The following PPP1R12B variants were observed in gnomAD, a reference collection of about 807,000 sequenced individuals.
The protein encoded by PPP1R12B is myosin phosphatase target subunit 2.
In PPP1R12B, 76 loss-of-function variants were observed where a neutral mutation model predicts 126.1. The observed-to-expected ratio is 0.60, with a 90% CI of 0.50 to 0.73. The LOEUF is 0.73. Among genes scored for constraint, PPP1R12B ranks in the 30% least tolerant of loss-of-function variants. The pLI is 0.00. For synonymous variants in PPP1R12B, 356 were observed against 434.7 expected, an observed-to-expected ratio of 0.82 and a Z score of 2.25; for missense variants, 1,052 against 1,205.1, an observed-to-expected ratio of 0.87 and a Z score of 1.88.
chr1:202,410,817 AT>A (rs1667285324), intron 1 of PPP1R12B, among the ~76,000 whole-genome samples: 4 of 152,256 alleles, frequency 2.6e-5, no homozygotes, highest in Admixed American at 6.5e-5. Context: ...TTATATCTCT[AT>A]TTCTTAAGGA....
chr1:202,431,052 T>G (rs1670132259), intron 7 of PPP1R12B, among the ~76,000 whole-genome samples: 1 of 152,218 alleles, frequency 6.6e-6, no homozygotes, highest in African/African-American at 2.4e-5. Flanking sequence ...GTGCAGCATT[T>G]TAAAATCCTG....
intron 18 of PPP1R12B, among the ~76,000 whole-genome samples, chr1:202,554,679 C>T (rs1229298971): frequency 6.6e-6 from 1 of 151,950 alleles, no homozygotes; most frequent in Non-Finnish European, 1.5e-5. Context: ...AAATTGTCTA[C>T]CGCCTTGTCT....
rs907513716 is a variant in PPP1R12B at position 202,348,977 on chromosome 1, G to A, written c.126G>A (p.Gly42=). 6.2e-7 allele frequency: 1 copy of A among 1,602,964 alleles called. No individual in the cohort carries two copies. The highest frequency in any genetic ancestry group is 8.5e-7 in the Non-Finnish European group (1 of 1,175,774). The change falls in exon 1 of 24, where the codon GGG becomes GGA. Residue 42 remains glycine (G), a synonymous_variant. Coordinates refer to ENST00000608999, the MANE Select transcript of PPP1R12B (RefSeq NM_002481.4). The part of the protein sequence containing the change: ...EQEPAERRGA[G]RQPLTRRGSP... ...AGCCTGCGGAGCGACGAGGCGCGGG[G>A]CGGCAGCCGCTGACCAGGCGCGGGA...
In PPP1R12B at chr1:202,582,352, T is replaced by C. The variant is rs1443771951; in HGVS notation, c.*1792T>C. 3 of 152,662 alleles carry C rather than the reference T, an allele frequency of 2.0e-5. No homozygotes were observed. Among genetic ancestry groups the C allele is most frequent in the Non-Finnish European group, 2.9e-5 (2 of 68,038 alleles). The allele number at this position is 152,662 out of a possible 1,614,324, so 9.5% of individuals were successfully genotyped here. On this transcript the variant is annotated 3_prime_UTR_variant, in exon 24 of 24. Transcript: ENST00000608999. The stretch of plus-strand genomic sequence containing the variant: ...AAACCATTAGTTCTTGATGATAACC[T>C]AGCATTAATACTTACAGTATTTTCT...
intron 3 of PPP1R12B, among the ~76,000 whole-genome samples, chr1:202,424,557 A>G (rs1669253099): frequency 6.6e-6 from 1 of 152,096 alleles, no homozygotes; most frequent in Non-Finnish European, 1.5e-5. Flanking sequence ...CTCTGATCTC[A>G]GGTGATCCAC....
intron 3 of PPP1R12B, among the ~76,000 whole-genome samples, chr1:202,423,953 G>A (rs541045563): frequency 5.9e-5 from 9 of 152,238 alleles, no homozygotes; most frequent in East Asian, 1.9e-4. Context: ...CCAAAGTGCC[G>A]GGATTAAAGG....
intron 13 of PPP1R12B, among the ~76,000 whole-genome samples, chr1:202,455,336 T>C (rs1410436425): frequency 6.6e-6 from 1 of 152,164 alleles, no homozygotes; most frequent in Admixed American, 6.5e-5. Context: ...TTCATCATCT[T>C]AGAGAGAAAT....
chr1:202,357,351 A>T (rs529170569), intron 1 of PPP1R12B, among the ~76,000 whole-genome samples: 1 of 152,214 alleles, frequency 6.6e-6, no homozygotes, highest in Non-Finnish European at 1.5e-5. Context: ...GGATTTGGTC[A>T]TTTAAACTTT....
At chr1:202,442,897 C>T (rs1035779295) in intron 12 of PPP1R12B, among the ~76,000 whole-genome samples, 4 of 149,742 alleles carry the variant, frequency 2.7e-5, no homozygotes, top group African/African-American at 9.9e-5. Context: ...GTAGCTGGTT[C>T]TCCTTATCTG....
chr1:202,583,464 A>G lies in PPP1R12B; in HGVS notation c.*2904A>G, dbSNP rs147775498. On this transcript the variant is annotated 3_prime_UTR_variant, in exon 24 of 24. Transcript: ENST00000608999. ...TTCAATCTCAGGAATACTGGATTCT[A>G]TAGCCAAGAACTCATGAAAGTAAGT... is the stretch of plus-strand genomic sequence containing the variant. The G allele has an allele frequency of 1.3e-5, 2 of 152,376 alleles. No homozygotes were observed. The highest frequency in any genetic ancestry group is 3.9e-4 in the East Asian group (2 of 5,194). 9.4% of individuals were successfully genotyped at this position (152,376 alleles called of 1,614,324 possible).
intron 10 of PPP1R12B, chr1:202,438,901 G>T (rs1047936361): frequency 6.7e-7 from 1 of 1,488,608 alleles, no homozygotes; most frequent in Non-Finnish European, 9.3e-7. Context: ...TACATCCACC[G>T]CACGCGGCCC....
In PPP1R12B at chr1:202,477,700, A is replaced by G. The variant is rs985300553; in HGVS notation, c.1851-10833A>G. Among the ~76,000 whole-genome samples the G allele has an allele frequency of 6.9e-4, 105 of 152,166 alleles. 6 individuals carry two copies. The highest frequency in any genetic ancestry group is 1.5e-5 in the Non-Finnish European group (1 of 68,020). On this transcript the variant is annotated intron_variant, in intron 13 of 23. Coordinates refer to ENST00000608999, the MANE Select transcript of PPP1R12B (RefSeq NM_002481.4). ...TTCTCCCAAAACAACTTCTTGAGGCAGAATTTGTCCATTTATAGTGTGTGA... is the reference window on the plus strand; with the variant it reads ...TTCTCCCAAAACAACTTCTTGAGGCGGAATTTGTCCATTTATAGTGTGTGA...
chr1:202,588,929 A>G lies in PPP1R12B; in HGVS notation c.*8369A>G, dbSNP rs1690005622. ...TATATACGGTTATTTCTTGGAAGAC[A>G]CCAGGTTTAAGTGACAAAGGTGTTG... On this transcript the variant is annotated 3_prime_UTR_variant, in exon 24 of 24. Coordinates refer to ENST00000608999, the MANE Select transcript of PPP1R12B (RefSeq NM_002481.4). The G allele has an allele frequency of 6.6e-6, 1 of 152,178 alleles. No homozygotes were observed. Among genetic ancestry groups the G allele is most frequent in the Admixed American group, 6.5e-5 (1 of 15,280 alleles). 9.4% of individuals were successfully genotyped at this position (152,178 alleles called of 1,614,324 possible). A position where few individuals can be genotyped will look rare whatever the true frequency, so the allele number is the denominator to read the frequency against.
At chr1:202,456,551 C>T (rs1398915656) in intron 13 of PPP1R12B, among the ~76,000 whole-genome samples, 3 of 152,114 alleles carry the variant, frequency 2.0e-5, no homozygotes, top group East Asian at 1.9e-4. Context: ...GTGTGTAGAA[C>T]GCATGGCTGT....
intron 1 of PPP1R12B, among the ~76,000 whole-genome samples, chr1:202,358,279 A>T (rs1657481132): frequency 6.6e-6 from 1 of 152,148 alleles, no homozygotes; most frequent in African/African-American, 2.4e-5. Context: ...ATTTAAAAAA[A>T]TTGTTTCTTC....
intron 18 of PPP1R12B, among the ~76,000 whole-genome samples, chr1:202,505,730 AT>A (rs573318855): frequency 1.4e-3 from 210 of 151,280 alleles, no homozygotes; most frequent in African/African-American, 4.1e-3. Flanking sequence ...GTAAAGTAAT[AT>A]TTTTTTTTGC....
chr1:202,349,235 C>A, intron 1 of PPP1R12B, 93 bp downstream of exon 1: 3 of 1,443,252 alleles, frequency 2.1e-6, no homozygotes, highest in Non-Finnish European at 2.8e-6. Context: ...AGTGTTGCCG[C>A]CGACTCCTTC....
At chr1:202,491,096 A>G (rs1678820009) in intron 14 of PPP1R12B, among the ~76,000 whole-genome samples, 1 of 152,148 alleles carries the variant, frequency 6.6e-6, no homozygotes, top group African/African-American at 2.4e-5. Flanking sequence ...CAAGGGTTCT[A>G]ATTTTTCCAT....
At chr1:202,420,863 AT>A (rs1668645174) in intron 2 of PPP1R12B, among the ~76,000 whole-genome samples, 2 of 152,124 alleles carry the variant, frequency 1.3e-5, no homozygotes, top group Admixed American at 1.3e-4. Flanking sequence ...TGATCTATAA[AT>A]TAACAAACAT....
Sources: gnomAD v4.1 joint callset for allele counts (sites outside exome capture counted in the v4.1 genomes callset) on GRCh38, gnomAD v4.1.1 for gene constraint, MANE v1.5 for transcripts, NCBI Gene and HGNC (gene_info 2026-07-23, HGNC 2026-07-21) for gene names.